ARHGAP10: variants seen among roughly 807,000 people sequenced by gnomAD.
ARHGAP10 encodes rho GTPase-activating protein 10.
ARHGAP10 carries 87 observed loss-of-function variants against 108.6 expected under a neutral mutation model. The observed-to-expected ratio is 0.80, with a 90% CI of 0.67 to 0.96. The LOEUF is 0.96. ARHGAP10 is among the 40% of genes least tolerant of loss of function. ARHGAP10 has a pLI of 0.00. For synonymous variants in ARHGAP10, 347 were observed against 341.1 expected, an observed-to-expected ratio of 1.02 and a Z score of -0.19; for missense variants, 939 against 954.5, an observed-to-expected ratio of 0.98 and a Z score of 0.21.
chr4:147,959,559 T>A (rs1312389330), intron 16 of ARHGAP10, among the ~76,000 whole-genome samples: 1 of 151,496 alleles, frequency 6.6e-6, no homozygotes, highest in Non-Finnish European at 1.5e-5. Flanking sequence ...GATGTTCCCC[T>A]TCCTGTGTCC....
intron 13 of ARHGAP10, among the ~76,000 whole-genome samples, chr4:147,926,040 G>C (rs1014600773): frequency 2.6e-5 from 4 of 152,196 alleles, no homozygotes; most frequent in Middle Eastern, 3.2e-3. Context: ...TGGAACAGAG[G>C]GTGCTTCCAC....
intron 10 of ARHGAP10, among the ~76,000 whole-genome samples, chr4:147,904,356 A>T (rs1166905931): frequency 3.3e-5 from 5 of 151,952 alleles, no homozygotes; most frequent in Non-Finnish European, 5.9e-5. Context: ...AGCATTAGGT[A>T]TATCTCCTAA....
At chr4:148,054,708 G>A (rs974880088) in intron 20 of ARHGAP10, among the ~76,000 whole-genome samples, 1 of 152,220 alleles carries the variant, frequency 6.6e-6, no homozygotes, top group Non-Finnish European at 1.5e-5. Context: ...CAGAGCCTCT[G>A]AGAATAGACC....
At chr4:147,895,857 A>G (rs114646078) in intron 10 of ARHGAP10, among the ~76,000 whole-genome samples, 10 of 152,312 alleles carry the variant, frequency 6.6e-5, no homozygotes, top group African/African-American at 2.2e-4. Flanking sequence ...TTCATTATTT[A>G]AAGTGTAATA....
chr4:148,010,339 T>C (rs1367793347), intron 18 of ARHGAP10, among the ~76,000 whole-genome samples: 1 of 152,184 alleles, frequency 6.6e-6, no homozygotes, highest in African/African-American at 2.4e-5. Context: ...ATTATGATCT[T>C]GTGTCCTTTT....
intron 18 of ARHGAP10, among the ~76,000 whole-genome samples, chr4:148,019,856 T>C (rs1741496270): frequency 2.0e-5 from 3 of 152,278 alleles, no homozygotes; most frequent in Middle Eastern, 6.8e-3. Flanking sequence ...CTGTCTCAGA[T>C]GAGCATCTGT....
chr4:147,762,895 A>G (rs571542031), intron 1 of ARHGAP10, among the ~76,000 whole-genome samples: 21 of 152,210 alleles, frequency 1.4e-4, no homozygotes, highest in African/African-American at 4.3e-4. Flanking sequence ...GTTGCTCATC[A>G]GAACATCTGT....
intron 1 of ARHGAP10, among the ~76,000 whole-genome samples, chr4:147,754,199 A>G (rs753603743): frequency 3.9e-5 from 6 of 152,214 alleles, no homozygotes; most frequent in Non-Finnish European, 5.9e-5. Context: ...AGGTTAAGCT[A>G]AGAAGCAGAT....
chr4:147,878,568 T>A (rs1048741431), intron 8 of ARHGAP10, among the ~76,000 whole-genome samples: 1 of 152,152 alleles, frequency 6.6e-6, no homozygotes, highest in African/African-American at 2.4e-5. Flanking sequence ...AACCATCTCA[T>A]ATATGGGATG....
intron 3 of ARHGAP10, among the ~76,000 whole-genome samples, chr4:147,830,041 T>C (rs1056866312): frequency 6.6e-6 from 1 of 152,232 alleles, no homozygotes; most frequent in African/African-American, 2.4e-5. Flanking sequence ...GGGGGCAGAC[T>C]GGGCTGCTAA....
At chr4:147,893,613 CTATA>C (rs1184210850) in intron 10 of ARHGAP10, among the ~76,000 whole-genome samples, 2 of 147,014 alleles carry the variant, frequency 1.4e-5, no homozygotes, top group East Asian at 2.0e-4. Context: ...ATATATAGAA[CTATA>C]TATATATATT....
chr4:147,874,651 A>T (rs1192174605), intron 7 of ARHGAP10, among the ~76,000 whole-genome samples: 1 of 152,204 alleles, frequency 6.6e-6, no homozygotes, highest in Non-Finnish European at 1.5e-5. Context: ...TTGCAAAGGA[A>T]ATTCTTCTCA....
intron 10 of ARHGAP10, among the ~76,000 whole-genome samples, chr4:147,899,310 TGTGTGTGTGTGTGCATGC>T (rs973640294): frequency 2.6e-5 from 4 of 151,240 alleles, no homozygotes; most frequent in Admixed American, 1.3e-4. Context: ...GCAGCTGGGG[TGTGTGTGTGTGTGCATGC>T]GTGTGTGTGT....
chr4:147,814,567 C>T (rs1014328263), intron 1 of ARHGAP10, among the ~76,000 whole-genome samples: 1 of 152,114 alleles, frequency 6.6e-6, no homozygotes, highest in African/African-American at 2.4e-5. Flanking sequence ...ATTACTCCCA[C>T]ATGTGGGAGT....
At chr4:147,849,274 C>T (rs1560789007) in intron 4 of ARHGAP10, among the ~76,000 whole-genome samples, 1 of 151,364 alleles carries the variant, frequency 6.6e-6, no homozygotes, top group Admixed American at 6.6e-5. Flanking sequence ...CAGCCCCTAC[C>T]CTGCCTTAAT....
intron 3 of ARHGAP10, among the ~76,000 whole-genome samples, chr4:147,840,746 T>C (rs1285505989): frequency 6.6e-6 from 1 of 152,218 alleles, no homozygotes; most frequent in East Asian, 1.9e-4. Context: ...TGTAGATTGC[T>C]TATCCCAGGC....
chr4:147,971,244 G>A (rs1231731332), intron 18 of ARHGAP10, among the ~76,000 whole-genome samples: 1 of 152,154 alleles, frequency 6.6e-6, no homozygotes, highest in Non-Finnish European at 1.5e-5. Context: ...CTTAGGATTT[G>A]TGAGTTTTGC....
chr4:147,771,795 A>AT (rs141989919), intron 1 of ARHGAP10, among the ~76,000 whole-genome samples: 3,854 of 152,002 alleles, frequency 0.025, 138 homozygotes, highest in African/African-American at 0.082. Context: ...CTAAATTAGT[A>AT]TTTTTTTCTT....
At chr4:147,807,226 T>C (rs1008890924) in intron 1 of ARHGAP10, among the ~76,000 whole-genome samples, 4 of 152,184 alleles carry the variant, frequency 2.6e-5, no homozygotes, top group Middle Eastern at 3.2e-3. Flanking sequence ...ATCTACCTTG[T>C]AGGATTTCTA....
Sources: gnomAD v4.1 joint callset for allele counts (sites outside exome capture counted in the v4.1 genomes callset) on GRCh38, gnomAD v4.1.1 for gene constraint, MANE v1.5 for transcripts, NCBI Gene and HGNC (gene_info 2026-07-23, HGNC 2026-07-21) for gene names.